The following OBSL1 variants were observed in gnomAD, a reference collection of about 807,000 sequenced individuals.
OBSL1 encodes the protein obscurin-like protein 1.
A neutral mutation model predicts 172.0 loss-of-function variants in OBSL1; 160 were observed. That is an observed-to-expected ratio of 0.93 (90% CI 0.82 to 1.06). The LOEUF is 1.06. OBSL1 is among the 50% of genes least tolerant of loss of function. The pLI, the probability that OBSL1 is intolerant of heterozygous loss-of-function variation, is 0.00. For synonymous variants in OBSL1, 1,200 were observed against 1,196.3 expected (o/e 1.00, Z -0.06); for missense variants, 2,681 against 2,715.4 (o/e 0.99, Z 0.28).
rs1451967311 is a variant in OBSL1, at chr2:219,563,543, A to G, written c.2492T>C (p.Val831Ala). The G allele has an allele frequency of 1.2e-6, 2 of 1,612,686 alleles. No homozygotes were observed. Among genetic ancestry groups the G allele is most frequent in the Non-Finnish European group, 1.7e-6 (2 of 1,179,756 alleles). Residue 831 changes from valine (V) to alanine (A), a missense_variant, in exon 7 of 21, where the codon GTG becomes GCG. Around this residue, in one of 5 missense-constraint regions of OBSL1, gnomAD observed 1,765 missense variants for 1,748.3 expected, o/e 1.01. Transcript: ENST00000404537. Reference sequence around the variant, plus strand: ...ACGCACAGGGGCGTCCTCTCGGTCCACCTCACAGGCCAGCATGACACACTC... The same window carrying G: ...ACGCACAGGGGCGTCCTCTCGGTCCGCCTCACAGGCCAGCATGACACACTC... ...TSECVMLACE[V>A]DREDAPVRWY...
chr2:219,566,897 C>G lies in OBSL1; in HGVS notation c.2067G>C (p.Gln689His), dbSNP rs756027549. 4 of 1,608,674 alleles carry G rather than the reference C, an allele frequency of 2.5e-6. No homozygotes were observed. Among genetic ancestry groups the G allele is most frequent in the East Asian group, 4.5e-5 (2 of 44,736 alleles). The stretch of plus-strand genomic sequence containing the variant: ...TGAAGCCGACCAGGGCACCGCTGTC[C>G]TGGTGCTTGACGGCATGCAGGATGA... ...HRLILHAVKH[Q>H]DSGALVGFSC... The change falls in exon 5 of 21, where the codon CAG (glutamine) becomes CAC (histidine). Residue 689 changes from glutamine to histidine, a missense_variant. Physicochemically the swap from Gln to His is conservative, Grantham distance 24. This residue lies in a region of OBSL1 where 1,765 missense variants were observed against 1,748.3 expected (regional missense o/e 1.01). Coordinates refer to ENST00000404537, the MANE Select transcript of OBSL1 (RefSeq NM_015311.3).
intron 6 of OBSL1, among the ~76,000 whole-genome samples, chr2:219,564,396 C>T (rs547907457): frequency 1.3e-5 from 2 of 152,320 alleles, no homozygotes; most frequent in African/African-American, 4.8e-5. Flanking sequence ...TATGGTGTGA[C>T]GGAGGTCACA....
chr2:219,567,920 C>G lies in OBSL1; in HGVS notation c.1332G>C (p.Glu444Asp). ...LPRKLDVLEG[E>D]NAVLLVETLE... ...GAGTTTCCACTAGCAGCACAGCATT[C>G]TCTCCTTCCAGGACGTCGAGCTTCC... Residue 444 changes from glutamate to aspartate, a missense_variant, in exon 3 of 21, where the codon GAG becomes GAC. Around this residue, in one of 5 missense-constraint regions of OBSL1, gnomAD observed 706 missense variants for 695.8 expected, o/e 1.01. Transcript: ENST00000404537. The G allele has an allele frequency of 1.9e-6, 3 of 1,613,930 alleles. No homozygotes were observed. Among genetic ancestry groups the G allele is most frequent in the Non-Finnish European group, 2.5e-6 (3 of 1,179,900 alleles).
In OBSL1 at chr2:219,563,340, C is replaced by G. The variant is rs965779735; in HGVS notation, c.2680+15G>C. On this transcript the variant is annotated intron_variant, in intron 7 of 20. Transcript: ENST00000404537. ...CACCTTCCCCTGTGCCTCCGAGGCC[C>G]ACCTGGCCCCCCACCTGTGATGGTG... is the stretch of plus-strand genomic sequence containing the variant. The G allele has an allele frequency of 3.9e-6, 6 of 1,547,570 alleles. No homozygotes were observed. The African/African-American group carries it at 6.8e-5, about 18-fold the overall frequency.
At position 219,567,926 on chromosome 2, in the gene OBSL1, T is replaced by TCAGC. The variant is rs1194267302; in HGVS notation, c.1325_1326insGCTG (p.Gly443LeufsTer23). 1.2e-6 allele frequency: 2 copies of TCAGC among 1,613,700 alleles called. No homozygotes were observed. The highest frequency in any genetic ancestry group is 1.7e-6 in the Non-Finnish European group (2 of 1,179,886). On this transcript the variant is annotated frameshift_variant, in exon 3 of 21. Transcript: ENST00000404537. LOFTEE classifies it high-confidence loss of function. ...CCACTAGCAGCACAGCATTCTCTCC[T>TCAGC]TCCAGGACGTCGAGCTTCCGGGGCA... is the stretch of plus-strand genomic sequence containing the variant.
intron 2 of OBSL1, 26 bp from the exon 3 acceptor site, chr2:219,567,995 A>G: frequency 4.3e-6 from 7 of 1,609,910 alleles, no homozygotes; most frequent in Non-Finnish European, 5.9e-6. Flanking sequence ...GAATCCATCA[A>G]CCTGGAATCT....
chr2:219,549,789 G>A (rs759211240), downstream of OBSL1: 1 of 1,614,122 alleles, frequency 6.2e-7, no homozygotes, highest in South Asian at 1.1e-5. Context: ...ACCCACAGAT[G>A]CGGACTATGA....
intron 8 of OBSL1, chr2:219,561,740 T>G (rs1026757890): frequency 3.1e-6 from 2 of 643,188 alleles, no homozygotes; most frequent in African/African-American, 3.6e-5. Flanking sequence ...TTTGCATGTT[T>G]ATTGGTTTAA....
chr2:219,565,626 G>T (rs1264388446), intron 5 of OBSL1, 112 bp from the exon 6 acceptor site: 29 of 1,017,212 alleles, frequency 2.9e-5, no homozygotes, highest in Admixed American at 6.8e-5. Context: ...ATAGGCTTAG[G>T]CTTCCACACC....
In OBSL1 at chr2:219,558,130, G is replaced by T. The variant is rs769351956; in HGVS notation, c.3503-20C>A. ...GAGGCTCTGGAGAAGAGAGGAAGGTGTCATCCCATGCTTGCCCTTGCCTCC... is the reference window on the plus strand; with the variant it reads ...GAGGCTCTGGAGAAGAGAGGAAGGTTTCATCCCATGCTTGCCCTTGCCTCC... On this transcript the variant is annotated intron_variant, in intron 10 of 20. Coordinates refer to ENST00000404537, the MANE Select transcript of OBSL1 (RefSeq NM_015311.3). The T allele has an allele frequency of 1.9e-6, 3 of 1,612,240 alleles. No homozygotes were observed. The highest frequency in any genetic ancestry group is 2.5e-6 in the Non-Finnish European group (3 of 1,178,948).
In OBSL1 at chr2:219,557,404, G is replaced by A. The variant is rs375716830; in HGVS notation, c.4005C>T (p.Asp1335=). The change falls in exon 12 of 21, where the codon GAC becomes GAT. Residue 1335 remains aspartate (D), a synonymous_variant. Transcript: ENST00000404537. ...GCGCATCGCACAGGTACTCCCCAGC[G>A]TCCCCGCTCCGTGCCCCCTGCACCC... ...VLRVQGARSG[D]AGEYLCDAPQ... The A allele has an allele frequency of 4.1e-3, 6,384 of 1,547,198 alleles. 18 individuals carry two copies. Among genetic ancestry groups the A allele is most frequent in the Non-Finnish European group, 5.2e-3 (5,988 of 1,145,840 alleles).
chr2:219,568,205 G>T lies in OBSL1; in HGVS notation c.1132C>A (p.Gln378Lys). ...TACTTGCGGCAGGGCAGCAGCCGCT[G>T]GTCCTCACGGAACCAGGCCGTGGGG... is the stretch of plus-strand genomic sequence containing the variant. ...RIPTAWFREDQRLLPCRKYEQ... is the reference protein window; with the variant it reads ...RIPTAWFREDKRLLPCRKYEQ... The change falls in exon 2 of 21, where the codon CAG becomes AAG. Residue 378 changes from glutamine (Q) to lysine (K), a missense_variant. Gln to Lys is a moderately conservative substitution (Grantham distance 53). Transcript: ENST00000404537. The surrounding 1 kb of genome is among the most constrained non-coding windows in gnomAD (Gnocchi z 4.1). 1 of 1,613,638 alleles carries T rather than the reference G, an allele frequency of 6.2e-7. No homozygotes were observed. The highest frequency in any genetic ancestry group is 8.5e-7 in the Non-Finnish European group (1 of 1,179,874).
chr2:219,549,129 C>T (rs1365907836), downstream of OBSL1: 1 of 1,613,512 alleles, frequency 6.2e-7, no homozygotes, highest in East Asian at 2.2e-5. Context: ...CTCTGAGCTC[C>T]TTCTCTACCC....
rs779978511 is a variant in OBSL1, at chr2:219,559,224, C to T, written c.3226+1G>A. ...CTCTCTGTGCTGCAGAGACTGCCCA[C>T]CTGTGACAGTGACAGTGAAGAAGGC... On this transcript the variant is annotated splice_donor_variant, in intron 9 of 20. Transcript: ENST00000404537. LOFTEE classifies it high-confidence loss of function. The T allele has an allele frequency of 6.3e-7, 1 of 1,599,156 alleles. No individual in the cohort carries two copies. Among genetic ancestry groups the T allele is most frequent in the South Asian group, 1.1e-5 (1 of 89,170 alleles).
At chr2:219,547,835 C>A (rs758187620), downstream of OBSL1, 11 of 1,587,364 alleles carry the variant, frequency 6.9e-6, no homozygotes, top group African/African-American at 1.2e-4. Flanking sequence ...GCTCACTCTG[C>A]GCTGGCCCCG....
chr2:219,553,617 T>A lies in OBSL1; in HGVS notation c.4946A>T (p.Glu1649Val), dbSNP rs1264340066. ...EVTEGDTATF[E>V]CELSQALADV... The stretch of plus-strand genomic sequence containing the variant: ...AGCCAAAGCTTGGGAAAGCTCGCAC[T>A]CGAACGTAGCTGTGTCGCCCTCGGT... The change falls in exon 16 of 21, where the codon GAG (glutamate) becomes GTG (valine). Residue 1649 changes from glutamate (E) to valine (V), a missense_variant. Transcript: ENST00000404537. 1 of 1,613,902 alleles carries A rather than the reference T, an allele frequency of 6.2e-7. No homozygotes were observed. Among genetic ancestry groups the A allele is most frequent in the Admixed American group, 1.7e-5 (1 of 60,016 alleles).
At position 219,567,864 on chromosome 2, in the gene OBSL1, C is replaced by T. The variant is rs767476866; in HGVS notation, c.1388G>A (p.Arg463His). 4.6e-5 allele frequency: 74 copies of T among 1,613,838 alleles called. No homozygotes were observed. Among genetic ancestry groups the T allele is most frequent in the Middle Eastern group, 1.6e-4 (1 of 6,084 alleles). ...GATGACCGGCAGCTCCTCCCCATCA[C>T]GGCTCCAGCGTCCCTCGACCCCGGC... ...LEAGVEGRWS[R>H]DGEELPVICQ... The change falls in exon 3 of 21, where the codon CGT (arginine) becomes CAT (histidine). Residue 463 changes from arginine to histidine, a missense_variant. Coordinates refer to ENST00000404537, the MANE Select transcript of OBSL1 (RefSeq NM_015311.3).
rs916770470 is a variant in OBSL1, at chr2:219,570,901, A to C, written c.332T>G (p.Leu111Arg). ...TGGCAGCGGGCGCTCGGCGGGCTGC[A>C]GCTCGGGGTCGGAGGCCGGCGGCTC... ...VLEPPASDPE[L>R]QPAERPLPSP... Residue 111 changes from leucine to arginine, a missense_variant, in exon 1 of 21, where the codon CTG (leucine) becomes CGG (arginine). Coordinates refer to ENST00000404537, the MANE Select transcript of OBSL1 (RefSeq NM_015311.3). 2 of 1,328,794 alleles carry C rather than the reference A, an allele frequency of 1.5e-6. No individual in the cohort carries two copies. Among genetic ancestry groups the C allele is most frequent in the African/African-American group, 1.5e-5 (1 of 65,184 alleles). 82.3% of individuals were successfully genotyped at this position (1,328,794 alleles called of 1,614,324 possible).
downstream of OBSL1, among the ~76,000 whole-genome samples, chr2:219,548,354 G>A (rs1695438393): frequency 6.6e-6 from 1 of 152,240 alleles, no homozygotes; most frequent in African/African-American, 2.4e-5. Context: ...ATTCAAGGCA[G>A]GCAGGAGACA....
Sources: gnomAD v4.1 joint callset for allele counts (sites outside exome capture counted in the v4.1 genomes callset) on GRCh38, gnomAD v4.1.1 for gene constraint, gnomAD v4.1.1 regional missense constraint, Gnocchi (gnomAD v3.1) non-coding constraint, MANE v1.5 for transcripts, NCBI Gene and HGNC (gene_info 2026-07-23, HGNC 2026-07-21) for gene names.